The following MMP2 variants were observed in gnomAD, a reference collection of about 807,000 sequenced individuals.
The protein encoded by MMP2 is matrix metallopeptidase 2, also known as 72 kDa type IV collagenase.
In MMP2, 39 loss-of-function variants were observed where a neutral mutation model predicts 74.8. The ratio of observed to expected loss-of-function variants is 0.52; its 90% CI spans 0.40 to 0.68. The LOEUF (loss-of-function observed/expected upper bound fraction) is 0.68. Ranked by LOEUF, MMP2 falls within the 30% of genes least tolerant of loss-of-function variation. MMP2 has a pLI of 0.00. For missense variants in MMP2, 803 were observed against 878.3 expected (o/e 0.91, Z 1.08); for synonymous variants, 367 against 339.8 (o/e 1.08, Z -0.88).
chr16:55,483,797 A>C (rs1962168367), intron 2 of MMP2, among the ~76,000 whole-genome samples: 1 of 152,178 alleles, frequency 6.6e-6, no homozygotes. Context: ...TGTCCTTGGC[A>C]GTGAGCCCTG....
intron 5 of MMP2, chr16:55,488,342 G>A (rs533100700): frequency 3.3e-6 from 2 of 610,598 alleles, no homozygotes; most frequent in South Asian, 1.9e-5. Context: ...TCCCACGGGA[G>A]GGATTGGGAT....
chr16:55,479,715 C>G, intron 1 of MMP2, 83 bp downstream of exon 1: 1 of 1,564,994 alleles, frequency 6.4e-7, no homozygotes, highest in South Asian at 1.1e-5. Flanking sequence ...CCCCTGCCCT[C>G]GGCGGTGGGC....
At position 55,503,017 on chromosome 16, in the gene MMP2, A is replaced by G. The variant is rs1261861210; in HGVS notation, c.1879+129A>G. ...AGGCGGCGCCCAGGAAAACAAATCA[A>G]CTCCTTCATCCTAGTGCTGGGAAGG... On this transcript the variant is annotated intron_variant, in intron 12 of 12. Coordinates refer to ENST00000219070, the MANE Select transcript of MMP2 (RefSeq NM_004530.6). 11 of 750,466 alleles carry G rather than the reference A, an allele frequency of 1.5e-5. No individual in the cohort carries two copies. In the East Asian group the frequency reaches 3.0e-4, roughly 20 times the overall value. The allele number at this position is 750,466 out of a possible 1,614,324, so 46.5% of individuals were successfully genotyped here. A position where few individuals can be genotyped will look rare whatever the true frequency, so the allele number is the denominator to read the frequency against.
intron 12 of MMP2, among the ~76,000 whole-genome samples, chr16:55,503,991 A>T (rs796222593): frequency 1.3e-5 from 2 of 152,144 alleles, no homozygotes; most frequent in South Asian, 4.1e-4. Flanking sequence ...TATCTCTACA[A>T]AAAAATTTTA....
At position 55,500,494 on chromosome 16, in the gene MMP2, T is replaced by TACACACACACACACACACACACAC. The variant is rs55996787; in HGVS notation, c.1769+2068_1769+2091dup. 5.2e-3 allele frequency among the ~76,000 whole-genome samples: 709 copies of TACACACACACACACACACACACAC among 136,240 alleles called. 20 individuals carry two copies. Among genetic ancestry groups the TACACACACACACACACACACACAC allele is most frequent in the East Asian group, 0.015 (63 of 4,212 alleles). The allele number at this position is 136,240 out of a possible 152,430, so 89.4% of individuals were successfully genotyped here. On this transcript the variant is annotated intron_variant, in intron 11 of 12. Coordinates refer to ENST00000219070, the MANE Select transcript of MMP2 (RefSeq NM_004530.6). ...ACATGATTGTGTGCGCATGTGCGCA[T>TACACACACACACACACACACACAC]ACACACACACACACACACACACACA... is the stretch of plus-strand genomic sequence containing the variant.
intron 11 of MMP2, among the ~76,000 whole-genome samples, chr16:55,502,058 G>A (rs929925267): frequency 2.0e-5 from 3 of 152,152 alleles, no homozygotes; most frequent in East Asian, 1.9e-4. Flanking sequence ...AATTAAAGGC[G>A]GGGCCCAGGA....
chr16:55,494,133 T>A (rs1296122329), intron 9 of MMP2, among the ~76,000 whole-genome samples: 2 of 152,242 alleles, frequency 1.3e-5, no homozygotes, highest in Non-Finnish European at 1.5e-5. Flanking sequence ...GATCCAGCCA[T>A]CCATTATTCA....
intron 7 of MMP2, among the ~76,000 whole-genome samples, chr16:55,491,155 C>T (rs530802485): frequency 6.6e-6 from 1 of 151,774 alleles, no homozygotes; most frequent in South Asian, 2.1e-4. Context: ...ACCTCTGCCT[C>T]CTGGGTTCAA....
At chr16:55,487,437 G>A (rs1962286745) in intron 5 of MMP2, 1 of 152,302 alleles carries the variant, frequency 6.6e-6, no homozygotes, top group African/African-American at 2.4e-5. Flanking sequence ...GGCCACTAAG[G>A]TATCTGGACT....
rs144793025 is a variant in MMP2 at position 55,489,815 on chromosome 16, C to T, written c.1171C>T (p.Pro391Ser). The change falls in exon 7 of 13, where the codon CCT (proline) becomes TCT (serine). Residue 391 changes from proline to serine, a missense_variant. Around this residue, in one of 3 missense-constraint regions of MMP2, gnomAD observed 555 missense variants for 592.0 expected, o/e 0.94. Transcript: ENST00000219070. The stretch of plus-strand genomic sequence containing the variant: ...TGATGACCGCAAGTGGGGCTTCTGC[C>T]CTGACCAAGGTACGAGGCCCTGGTC... ...YDDDRKWGFC[P>S]DQGYSLFLVA... 2.0e-5 allele frequency: 33 copies of T among 1,614,064 alleles called. No individual in the cohort carries two copies. Among genetic ancestry groups the T allele is most frequent in the Middle Eastern group, 3.3e-4 (2 of 6,060 alleles).
chr16:55,484,301 G>A (rs1962185823), intron 3 of MMP2, 137 bp downstream of exon 3: 2 of 1,011,714 alleles, frequency 2.0e-6, no homozygotes, highest in South Asian at 1.5e-5. Flanking sequence ...CCTGGGGGTG[G>A]TTTAGATGGG....
At chr16:55,487,655 G>C (rs1962292664) in intron 5 of MMP2, 1 of 152,380 alleles carries the variant, frequency 6.6e-6, no homozygotes, top group Non-Finnish European at 1.5e-5. Flanking sequence ...TTATGGACTT[G>C]TGGTTTTGCT....
chr16:55,489,043 T>C (rs1962334412), intron 6 of MMP2, among the ~76,000 whole-genome samples: 1 of 152,222 alleles, frequency 6.6e-6, no homozygotes, highest in African/African-American at 2.4e-5. Context: ...TCCTCCTCTC[T>C]GACCCTGCAA....
chr16:55,501,948 T>C (rs1329458905), intron 11 of MMP2, among the ~76,000 whole-genome samples: 5 of 152,166 alleles, frequency 3.3e-5, no homozygotes, highest in Admixed American at 3.3e-4. Context: ...GGAATCAACA[T>C]GACAGCAGCA....
rs768050864 is a variant in MMP2, at chr16:55,484,054, T to C, written c.419T>C (p.Val140Ala). Residue 140 changes from valine to alanine, a missense_variant, in exon 3 of 13, where the codon GTG (valine) becomes GCG (alanine). Val to Ala is a moderately conservative substitution (Grantham distance 64). This residue lies in a region of MMP2 where 223 missense variants were observed against 232.8 expected (regional missense o/e 0.96). Transcript: ENST00000219070. Reference protein sequence around the residue: ...GYTPDLDPETVDDAFARAFQV... With the variant: ...GYTPDLDPETADDAFARAFQV... ...ACACCTGATCTGGACCCAGAGACAG[T>C]GGATGATGCCTTTGCTCGTGCCTTC... 2.5e-6 allele frequency: 4 copies of C among 1,614,084 alleles called. No individual in the cohort carries two copies. In the South Asian group the frequency reaches 4.4e-5, roughly 18 times the overall value.
intron 9 of MMP2, among the ~76,000 whole-genome samples, chr16:55,496,389 C>T (rs9923304): frequency 0.35 from 53,640 of 152,038 alleles, 10,381 homozygotes; most frequent in Non-Finnish European, 0.44. Context: ...GGTAGACCAT[C>T]CAGAGTGCAT....
rs1192301679 is a variant in MMP2, at chr16:55,479,592, C to T, written c.113C>T (p.Pro38Leu). ...GCGCCGTCGCCCATCATCAAGTTCC[C>T]CGGCGATGTCGCCCCCAAAACGGAC... ...AAAPSPIIKF[P>L]GDVAPKTDKE... Residue 38 changes from proline (P) to leucine (L), a missense_variant, in exon 1 of 13, where the codon CCC becomes CTC. Transcript: ENST00000219070. The T allele has an allele frequency of 6.2e-6, 10 of 1,613,750 alleles. No individual in the cohort carries two copies. The highest frequency in any genetic ancestry group is 3.3e-5 in the Admixed American group (2 of 60,032).
At chr16:55,493,068 T>A (rs1962450469) in intron 8 of MMP2, 90 bp from the exon 9 acceptor site, 2 of 1,525,046 alleles carry the variant, frequency 1.3e-6, no homozygotes, top group Non-Finnish European at 1.8e-6. Context: ...TTCTGACTCT[T>A]AGATGGTTGG....
intron 3 of MMP2, among the ~76,000 whole-genome samples, chr16:55,484,966 C>T (rs146344091): frequency 1.3e-5 from 2 of 152,070 alleles, no homozygotes; most frequent in East Asian, 3.9e-4. Flanking sequence ...GGCATAGACA[C>T]TGGGGATGAT....
Sources: allele counts gnomAD v4.1 joint callset (sites outside exome capture counted in the v4.1 genomes callset), GRCh38; gene constraint gnomAD v4.1.1; regional missense constraint gnomAD v4.1.1; transcripts MANE v1.5; gene names NCBI Gene and HGNC (gene_info 2026-07-23, HGNC 2026-07-21).